The following MAML2 variants were observed in gnomAD, a reference collection of about 807,000 sequenced individuals.
The protein encoded by MAML2 is mastermind-like protein 2.
In MAML2, 22 loss-of-function variants were observed where a neutral mutation model predicts 96.1. The observed-to-expected ratio is 0.23, with a 90% confidence interval of 0.16 to 0.33. MAML2 has a LOEUF of 0.33. Among genes scored for constraint, MAML2 ranks in the 10% least tolerant of loss-of-function variants. The pLI is 1.00. For synonymous variants in MAML2, 561 were observed against 521.3 expected (o/e 1.08, Z -1.04); for missense variants, 1,367 against 1,392.4 (o/e 0.98, Z 0.29).
chr11:96,023,498 A>C (rs535727056), intron 2 of MAML2, among the ~76,000 whole-genome samples: 36 of 152,326 alleles, frequency 2.4e-4, no homozygotes, highest in African/African-American at 8.7e-4. Flanking sequence ...GGCTCCCCAG[A>C]ATGGAGCCTG....
chr11:96,041,336 C>CAAAA lies in MAML2; in HGVS notation c.2140-49617_2140-49614dup, dbSNP rs528688136. Among the ~76,000 whole-genome samples, 500 of 132,936 alleles carry CAAAA rather than the reference C, an allele frequency of 3.8e-3. 2 individuals are homozygous for CAAAA. Among genetic ancestry groups the CAAAA allele is most frequent in the African/African-American group, 0.011 (390 of 35,588 alleles). The allele number at this position is 132,936 out of a possible 152,430, so 87.2% of individuals were successfully genotyped here. ...TGAAACCCCCTCTCTACTAAAAATA[C>CAAAA]AAAAAAAAAAAAAATTTAGCCGGGC... On this transcript the variant is annotated intron_variant, in intron 2 of 4. Coordinates refer to ENST00000524717, the MANE Select transcript of MAML2 (RefSeq NM_032427.4).
chr11:96,072,443 A>G (rs1449419117), intron 2 of MAML2, among the ~76,000 whole-genome samples: 3 of 152,254 alleles, frequency 2.0e-5, no homozygotes, highest in Non-Finnish European at 2.9e-5. Flanking sequence ...GAACTTAGAG[A>G]GAAGCTATTA....
chr11:96,264,526 G>C (rs1862798915), intron 1 of MAML2, among the ~76,000 whole-genome samples: 2 of 152,176 alleles, frequency 1.3e-5, no homozygotes, highest in South Asian at 4.1e-4. Context: ...TCAAAAATGT[G>C]TTCTATTAGG....
intron 1 of MAML2, among the ~76,000 whole-genome samples, chr11:96,132,835 C>G (rs952564080): frequency 2.6e-5 from 4 of 152,104 alleles, no homozygotes; most frequent in Admixed American, 2.0e-4. Flanking sequence ...TTGTAAAAGT[C>G]CAAGTGGTAT....
At chr11:96,320,512 A>G (rs1863685527) in intron 1 of MAML2, among the ~76,000 whole-genome samples, 1 of 152,228 alleles carries the variant, frequency 6.6e-6, no homozygotes, top group Admixed American at 6.5e-5. Flanking sequence ...GAGCAGATCT[A>G]ATAGGAGTGG....
intron 1 of MAML2, among the ~76,000 whole-genome samples, chr11:96,271,042 T>C (rs1862910035): frequency 6.6e-6 from 1 of 152,178 alleles, no homozygotes; most frequent in African/African-American, 2.4e-5. Flanking sequence ...GACTCCAAAT[T>C]CTTTAGCTTC....
In MAML2 at chr11:96,092,293, T is replaced by C. The variant is rs754327291; in HGVS notation, c.1738A>G (p.Lys580Glu). Residue 580 changes from lysine (K) to glutamate (E), a missense_variant, in exon 2 of 5, where the codon AAG becomes GAG. Coordinates refer to ENST00000524717, the MANE Select transcript of MAML2 (RefSeq NM_032427.4). This position sits in a 1 kb window ranked among gnomAD's most constrained non-coding sequence, Gnocchi z 4.1. The stretch of plus-strand genomic sequence containing the variant: ...TGGGTGTAGTGTAGGAGAGAAGGCT[T>C]GTTCTGGGAAGGCAAAACAGAAGGC... The part of the protein sequence containing the change: ...QMPSVLPSQN[K>E]PSLLHYTQQQ... 1 of 1,568,284 alleles carries C rather than the reference T, an allele frequency of 6.4e-7. No homozygotes were observed. Among genetic ancestry groups the C allele is most frequent in the East Asian group, 2.4e-5 (1 of 42,430 alleles).
intron 2 of MAML2, among the ~76,000 whole-genome samples, chr11:96,008,841 A>G (rs1423306022): frequency 6.6e-6 from 1 of 152,232 alleles, no homozygotes; most frequent in East Asian, 1.9e-4. Flanking sequence ...TGATTATCTC[A>G]TCCCAGGACA....
At chr11:96,302,301 A>G (rs761007570) in intron 1 of MAML2, among the ~76,000 whole-genome samples, 2 of 152,240 alleles carry the variant, frequency 1.3e-5, no homozygotes, top group South Asian at 2.1e-4. Flanking sequence ...AAGGCATAAG[A>G]AAGTTTAAAT....
intron 2 of MAML2, among the ~76,000 whole-genome samples, chr11:96,040,673 A>G (rs564497449): frequency 6.6e-6 from 1 of 152,284 alleles, no homozygotes; most frequent in African/African-American, 2.4e-5. Flanking sequence ...AGGCTGAGGT[A>G]CGAGAATTGC....
chr11:96,110,965 G>T (rs1457292559), intron 1 of MAML2, among the ~76,000 whole-genome samples: 17 of 152,124 alleles, frequency 1.1e-4, no homozygotes, highest in African/African-American at 4.1e-4. Context: ...GAATAAGAAG[G>T]CTCTAATAAA....
intron 1 of MAML2, among the ~76,000 whole-genome samples, chr11:96,158,611 C>T (rs1459953238): frequency 3.3e-5 from 5 of 152,160 alleles, no homozygotes; most frequent in Non-Finnish European, 7.4e-5. Flanking sequence ...TATATGAAGT[C>T]TATTGTTTAA....
intron 1 of MAML2, among the ~76,000 whole-genome samples, chr11:96,160,213 G>T (rs1262750111): frequency 6.6e-6 from 1 of 152,084 alleles, no homozygotes; most frequent in East Asian, 1.9e-4. Flanking sequence ...TTACATCAAG[G>T]CACGGGGGAA....
At chr11:96,025,656 C>G (rs543940239) in intron 2 of MAML2, among the ~76,000 whole-genome samples, 1 of 152,166 alleles carries the variant, frequency 6.6e-6, no homozygotes, top group Non-Finnish European at 1.5e-5. Context: ...CGGGTTCAAG[C>G]GATTCTCCTG....
chr11:96,293,794 T>C (rs1481481786), intron 1 of MAML2, among the ~76,000 whole-genome samples: 1 of 152,142 alleles, frequency 6.6e-6, no homozygotes, highest in Non-Finnish European at 1.5e-5. Context: ...TTGGTCAACG[T>C]TTCACATAAA....
At chr11:96,285,261 C>T (rs990975763) in intron 1 of MAML2, among the ~76,000 whole-genome samples, 2 of 152,054 alleles carry the variant, frequency 1.3e-5, no homozygotes. Context: ...ATGAATCCCA[C>T]GAACTGGCTA....
At chr11:96,148,909 G>A (rs562730686) in intron 1 of MAML2, among the ~76,000 whole-genome samples, 19 of 152,336 alleles carry the variant, frequency 1.2e-4, no homozygotes, top group East Asian at 5.8e-4. Flanking sequence ...CTAGAAAGGC[G>A]TAAAACAGGC....
chr11:96,225,400 C>G (rs1435230605), intron 1 of MAML2, among the ~76,000 whole-genome samples: 1 of 152,140 alleles, frequency 6.6e-6, no homozygotes, highest in African/African-American at 2.4e-5. Flanking sequence ...AGATGATAGC[C>G]CCAGCATACA....
intron 2 of MAML2, among the ~76,000 whole-genome samples, chr11:96,031,627 C>T (rs931492399): frequency 6.6e-5 from 10 of 152,106 alleles, no homozygotes; most frequent in Non-Finnish European, 1.3e-4. Context: ...GCCCCCAGTG[C>T]GTAGCATGCT....
Sources: allele counts gnomAD v4.1 joint callset (sites outside exome capture counted in the v4.1 genomes callset), GRCh38; gene constraint gnomAD v4.1.1; non-coding constraint Gnocchi (gnomAD v3.1); transcripts MANE v1.5; gene names NCBI Gene and HGNC (gene_info 2026-07-23, HGNC 2026-07-21).